KMT2C: variants seen among roughly 807,000 people sequenced by gnomAD.
The protein encoded by KMT2C is lysine methyltransferase 2C, also known as histone-lysine N-methyltransferase 2C.
KMT2C carries 88 observed loss-of-function variants against 507.9 expected under a neutral mutation model. That is an observed-to-expected ratio of 0.17 (90% CI 0.15 to 0.21). The LOEUF is 0.21. Ranked by LOEUF, KMT2C falls within the 10% of genes least tolerant of loss-of-function variation. The pLI is 1.00. For missense variants in KMT2C, 4,954 were observed against 5,957.8 expected (o/e 0.83, Z 5.55); for synonymous variants, 2,049 against 2,080.8 (o/e 0.98, Z 0.42).
chr7:152,311,722 G>A lies in KMT2C; in HGVS notation c.739+76C>T, dbSNP rs1017944613. 23 of 1,041,050 alleles carry A rather than the reference G, an allele frequency of 2.2e-5. No homozygotes were observed. The Admixed American group carries it at 5.3e-4, about 24-fold the overall frequency. The allele number at this position is 1,041,050 out of a possible 1,614,324, so 64.5% of individuals were successfully genotyped here. On this transcript the variant is annotated intron_variant, in intron 5 of 58. Coordinates refer to ENST00000262189, the MANE Select transcript of KMT2C (RefSeq NM_170606.3). Reference sequence around the variant, plus strand: ...TTCTAGATGAAAGGTATTTATTATTGAGGACATTAATAATGTATTAAAATT... The same window carrying A: ...TTCTAGATGAAAGGTATTTATTATTAAGGACATTAATAATGTATTAAAATT...
chr7:152,187,299 G>C lies in KMT2C; in HGVS notation c.4971C>G (p.Thr1657=), dbSNP rs777232532. 1 of 1,613,834 alleles carries C rather than the reference G, an allele frequency of 6.2e-7. No homozygotes were observed. Among genetic ancestry groups the C allele is most frequent in the Admixed American group, 1.7e-5 (1 of 60,002 alleles). The change falls in exon 33 of 59, where the codon ACC becomes ACG. Residue 1657 remains threonine, a synonymous_variant. Coordinates refer to ENST00000262189, the MANE Select transcript of KMT2C (RefSeq NM_170606.3). ...EMATVAPVLY[T]NINFPNLKEE... ...CCTTTAAGTTGGGGAAATTAATATTGGTGTAGAGAACTGGGGCAACAGTTG... is the reference window on the plus strand; with the variant it reads ...CCTTTAAGTTGGGGAAATTAATATTCGTGTAGAGAACTGGGGCAACAGTTG...
intron 1 of KMT2C, among the ~76,000 whole-genome samples, chr7:152,426,667 A>G (rs1396947099): frequency 2.0e-5 from 3 of 152,218 alleles, no homozygotes; most frequent in Non-Finnish European, 2.9e-5. Context: ...AAATCCTTAC[A>G]ACAGCACCTC....
At chr7:152,255,152 T>TAC (rs2095638731) in intron 9 of KMT2C, among the ~76,000 whole-genome samples, 5 of 135,102 alleles carry the variant, frequency 3.7e-5, no homozygotes, top group Admixed American at 7.4e-5. Flanking sequence ...TATACATATA[T>TAC]ATATATGTGT....
intron 1 of KMT2C, among the ~76,000 whole-genome samples, chr7:152,380,711 C>G (rs1203559205): frequency 2.6e-5 from 4 of 152,254 alleles, no homozygotes; most frequent in African/African-American, 9.6e-5. Context: ...GCACTCCTGC[C>G]TAAGTAACAG....
chr7:152,373,894 C>A (rs1049963550), intron 1 of KMT2C, among the ~76,000 whole-genome samples: 1 of 151,726 alleles, frequency 6.6e-6, no homozygotes, highest in African/African-American at 2.4e-5. Flanking sequence ...TAAAAAGGGA[C>A]AAAGGATATG....
At position 152,136,780 on chromosome 7, in the gene KMT2C, A is replaced by C. The variant is rs1013951789; in HGVS notation, c.*52T>G. The C allele has an allele frequency of 8.0e-7, 1 of 1,251,192 alleles. No individual in the cohort carries two copies. Among genetic ancestry groups the C allele is most frequent in the African/African-American group, 1.5e-5 (1 of 67,728 alleles). 77.5% of individuals were successfully genotyped at this position (1,251,192 alleles called of 1,614,324 possible). ...TCTGCAAAATTCCAATGGTGTGTTGAATCGCCTCTTCCTAGGGACAAGCCG... is the reference window on the plus strand; with the variant it reads ...TCTGCAAAATTCCAATGGTGTGTTGCATCGCCTCTTCCTAGGGACAAGCCG... On this transcript the variant is annotated 3_prime_UTR_variant, in exon 59 of 59. Coordinates refer to ENST00000262189, the MANE Select transcript of KMT2C (RefSeq NM_170606.3).
intron 28 of KMT2C, among the ~76,000 whole-genome samples, chr7:152,195,018 A>G (rs188020657): frequency 5.9e-5 from 9 of 152,316 alleles, no homozygotes; most frequent in African/African-American, 2.2e-4. Flanking sequence ...CTCAGTGTTT[A>G]ATATTATCCT....
At chr7:152,387,416 A>T (rs1390130893) in intron 1 of KMT2C, among the ~76,000 whole-genome samples, 3 of 143,502 alleles carry the variant, frequency 2.1e-5, no homozygotes, top group Non-Finnish European at 4.5e-5. Context: ...TGTATAACAT[A>T]TACTAGTATG....
chr7:152,348,612 A>G (rs1206670063), intron 2 of KMT2C, among the ~76,000 whole-genome samples: 3 of 148,770 alleles, frequency 2.0e-5, no homozygotes, highest in African/African-American at 7.3e-5. Flanking sequence ...AAAAAAAAAA[A>G]AAAAAAAAAA....
chr7:152,172,735 C>T (rs1043530136), intron 39 of KMT2C, among the ~76,000 whole-genome samples: 7 of 152,102 alleles, frequency 4.6e-5, no homozygotes, highest in Non-Finnish European at 8.8e-5. Flanking sequence ...CTCAGCATTT[C>T]CTTGTTTTGA....
chr7:152,399,933 A>G (rs1041265409), intron 1 of KMT2C, among the ~76,000 whole-genome samples: 7 of 152,102 alleles, frequency 4.6e-5, no homozygotes, highest in African/African-American at 1.7e-4. Context: ...AAACAAACAA[A>G]CAAACAGACA....
Position 152,139,673 on chromosome 7 carries a change from A to G in KMT2C, c.14460+2T>C, listed in dbSNP as rs2129089807. 6.3e-7 allele frequency: 1 copy of G among 1,595,480 alleles called. No individual in the cohort carries two copies. Among genetic ancestry groups the G allele is most frequent in the Non-Finnish European group, 8.6e-7 (1 of 1,162,952 alleles). On this transcript the variant is annotated splice_donor_variant, in intron 56 of 58. Coordinates refer to ENST00000262189, the MANE Select transcript of KMT2C (RefSeq NM_170606.3). LOFTEE classifies it high-confidence loss of function. ...ATACAATCTCGGGGACCAGACACCTACCTGAGACTCATAAAGCTTCTCTTT... is the reference window on the plus strand; with the variant it reads ...ATACAATCTCGGGGACCAGACACCTGCCTGAGACTCATAAAGCTTCTCTTT...
chr7:152,218,058 A>G (rs1289886084), intron 23 of KMT2C, among the ~76,000 whole-genome samples: 1 of 152,238 alleles, frequency 6.6e-6, no homozygotes, highest in Non-Finnish European at 1.5e-5. Flanking sequence ...ATTGTATCTG[A>G]AAATCAGTTA....
intron 3 of KMT2C, among the ~76,000 whole-genome samples, chr7:152,319,781 A>G (rs1482595174): frequency 6.6e-6 from 1 of 152,086 alleles, no homozygotes; most frequent in Non-Finnish European, 1.5e-5. Context: ...GAAAGTACTA[A>G]AAGTCTCTGA....
chr7:152,220,199 C>T (rs1229140609), intron 23 of KMT2C: 3 of 295,482 alleles, frequency 1.0e-5, no homozygotes, highest in Non-Finnish European at 1.9e-5. Context: ...ATTATCCAAG[C>T]TCACAGTATC....
At chr7:152,432,208 A>AC (rs994438180) in intron 1 of KMT2C, among the ~76,000 whole-genome samples, 7 of 151,968 alleles carry the variant, frequency 4.6e-5, no homozygotes, top group Non-Finnish European at 1.0e-4. Flanking sequence ...CTGTACAACC[A>AC]CCCCCATCCC....
chr7:152,219,587 A>C (rs1326585630), intron 23 of KMT2C, among the ~76,000 whole-genome samples: 1 of 152,062 alleles, frequency 6.6e-6, no homozygotes, highest in Admixed American at 6.5e-5. Context: ...CCCTTAAAAA[A>C]AAAAAACAAA....
In KMT2C at chr7:152,311,919, T is replaced by C. The variant is rs1318410318; in HGVS notation, c.618A>G (p.Val206=). The part of the protein sequence containing the change: ...RKERSPQQNI[V]SCVSVSTQTA... ...TCTGGGTGCTTACACTTACACAAGA[T>C]ACTATATTCTGCTGAGGAGATCGTT... Residue 206 remains valine, a synonymous_variant, in exon 5 of 59, where the codon GTA becomes GTG. Coordinates refer to ENST00000262189, the MANE Select transcript of KMT2C (RefSeq NM_170606.3). 3 of 1,607,246 alleles carry C rather than the reference T, an allele frequency of 1.9e-6. No homozygotes were observed. The highest frequency in any genetic ancestry group is 2.2e-5 in the East Asian group (1 of 44,794).
At chr7:152,323,259 T>C (rs2096788435) in intron 3 of KMT2C, among the ~76,000 whole-genome samples, 2 of 152,062 alleles carry the variant, frequency 1.3e-5, no homozygotes, top group Non-Finnish European at 2.9e-5. Flanking sequence ...AATAGCCAGA[T>C]ATGGAATCAA....
Sources: gnomAD v4.1 joint callset for allele counts (sites outside exome capture counted in the v4.1 genomes callset) on GRCh38, gnomAD v4.1.1 for gene constraint, MANE v1.5 for transcripts, NCBI Gene and HGNC (gene_info 2026-07-23, HGNC 2026-07-21) for gene names.